The following DNAH12 variants were observed in gnomAD, a reference collection of about 807,000 sequenced individuals.
The protein encoded by DNAH12 is dynein axonemal heavy chain 12, also known as axonemal beta dynein heavy chain 12.
Under a neutral mutation model 371.5 loss-of-function variants are expected in DNAH12, and 285 were observed. The ratio of observed to expected loss-of-function variants is 0.77; its 90% CI spans 0.70 to 0.85. The LOEUF is 0.85. Ranked by LOEUF, DNAH12 falls within the 40% of genes least tolerant of loss-of-function variation. The probability of loss-of-function intolerance (pLI) is 0.00; values close to 1 mark genes in which losing one functional copy is unlikely to be tolerated. For synonymous variants in DNAH12, 1,200 were observed against 1,213.0 expected, an observed-to-expected ratio of 0.99 and a Z score of 0.22; for missense variants, 3,611 against 3,689.4, an observed-to-expected ratio of 0.98 and a Z score of 0.55.
At chr3:57,372,908 A>C (rs1475385225) in intron 55 of DNAH12, among the ~76,000 whole-genome samples, 1 of 152,234 alleles carries the variant, frequency 6.6e-6, no homozygotes, top group African/African-American at 2.4e-5. Context: ...AAATAGAAAG[A>C]AAAAGTCATT....
intron 45 of DNAH12, among the ~76,000 whole-genome samples, chr3:57,391,369 A>G (rs1385207563): frequency 6.6e-6 from 1 of 152,050 alleles, no homozygotes; most frequent in East Asian, 1.9e-4. Context: ...TCAGCCTTGG[A>G]CTGAATTGGC....
intron 13 of DNAH12, among the ~76,000 whole-genome samples, chr3:57,480,548 G>A: frequency 6.6e-6 from 1 of 150,640 alleles, no homozygotes; most frequent in African/African-American, 2.5e-5. Context: ...AGAAAAAGAG[G>A]GAATCCTCCC....
intron 62 of DNAH12, among the ~76,000 whole-genome samples, chr3:57,327,822 T>G (rs1440458935): frequency 1.3e-5 from 2 of 150,454 alleles, no homozygotes; most frequent in Non-Finnish European, 3.0e-5. Flanking sequence ...GCAAGACTAA[T>G]AAAGAAAAAA....
At chr3:57,510,555 G>A (rs1171302259) in intron 5 of DNAH12, among the ~76,000 whole-genome samples, 2 of 151,994 alleles carry the variant, frequency 1.3e-5, no homozygotes, top group Non-Finnish European at 2.9e-5. Context: ...TAGGGGAATC[G>A]CTTCAACTCA....
chr3:57,442,714 TTG>T (rs1400963539), intron 29 of DNAH12, among the ~76,000 whole-genome samples: 3 of 151,332 alleles, frequency 2.0e-5, no homozygotes, highest in Non-Finnish European at 2.9e-5. Flanking sequence ...TATTAAAATT[TTG>T]TGTTTTCATT....
intron 40 of DNAH12, 69 bp downstream of exon 40, chr3:57,408,211 A>G (rs1388305499): frequency 1.4e-6 from 2 of 1,428,212 alleles, no homozygotes; most frequent in African/African-American, 2.9e-5. Context: ...TAGCATCAAA[A>G]AAATAAAATA....
At position 57,356,477 on chromosome 3, in the gene DNAH12, AAAT is replaced by A. The variant is rs2062803164; in HGVS notation, c.9533+696_9533+698del. On this transcript the variant is annotated intron_variant, in intron 59 of 73. Coordinates refer to ENST00000495027, the MANE Select transcript of DNAH12 (RefSeq NM_001366028.2). ...TAAATAAATAAATAAATAAATAAAT[AAAT>A]AAATAAATAAAATAAAGAAAAAAGA... Among the ~76,000 whole-genome samples the A allele has an allele frequency of 6.9e-4, 101 of 146,918 alleles. 1 individual carries two copies. The highest frequency in any genetic ancestry group is 2.5e-3 in the African/African-American group (101 of 40,694).
rs2065016821 is a variant in DNAH12, at chr3:57,433,495, T to C, written c.4852A>G (p.Ile1618Val). The C allele has an allele frequency of 1.3e-6, 2 of 1,551,364 alleles. No individual in the cohort carries two copies. Among genetic ancestry groups the C allele is most frequent in the South Asian group, 2.4e-5 (2 of 83,998 alleles). Reference protein sequence around the residue: ...DPVSHEWTDGIVANTFREFAL... With the variant: ...DPVSHEWTDGVVANTFREFAL... ...AATTCTCTAAAAGTGTTAGCCACAA[T>C]ACCATCAGTCCACTGAGGAGGAAAA... The change falls in exon 32 of 74, where the codon ATT becomes GTT. Residue 1618 changes from isoleucine (I) to valine (V), a missense_variant. Physicochemically the swap from Ile to Val is conservative, Grantham distance 29. Around this residue, in one of 3 missense-constraint regions of DNAH12, gnomAD observed 2,266 missense variants for 2,236.9 expected, o/e 1.01. Transcript: ENST00000495027.
chr3:57,333,158 G>A (rs1038278984), intron 62 of DNAH12, among the ~76,000 whole-genome samples: 2 of 151,746 alleles, frequency 1.3e-5, no homozygotes, highest in East Asian at 3.9e-4. Flanking sequence ...GGAGTGCAGT[G>A]GTTCGATCTT....
In DNAH12 at chr3:57,309,666, C is replaced by T. The variant is rs1170442124; in HGVS notation, c.11085G>A (p.Lys3695=). Reference sequence around the variant, plus strand: ...TAACATATTTTAAGCTGAACATTACCTTGTTGAGGATATCTTTGGTAATTT... The same window carrying T: ...TAACATATTTTAAGCTGAACATTACTTTGTTGAGGATATCTTTGGTAATTT... ...LLEITKDILN[K]LPSDFDIEMA... Residue 3695 remains lysine (K), a splice_region_variant and synonymous_variant, in exon 68 of 74, where the codon AAG becomes AAA. Coordinates refer to ENST00000495027, the MANE Select transcript of DNAH12 (RefSeq NM_001366028.2). 1.3e-6 allele frequency: 2 copies of T among 1,502,258 alleles called. No individual in the cohort carries two copies. The highest frequency in any genetic ancestry group is 1.8e-6 in the Non-Finnish European group (2 of 1,128,196). The allele number at this position is 1,502,258 out of a possible 1,614,324, so 93.1% of individuals were successfully genotyped here. A position where few individuals can be genotyped will look rare whatever the true frequency, so the allele number is the denominator to read the frequency against.
intron 35 of DNAH12, among the ~76,000 whole-genome samples, 154 bp downstream of exon 35, chr3:57,424,868 C>T (rs2064713603): frequency 6.6e-6 from 1 of 151,600 alleles, no homozygotes; most frequent in African/African-American, 2.4e-5. Context: ...TATCAGAATA[C>T]CAGGTGTTAG....
In DNAH12 at chr3:57,510,852, A is replaced by C. The variant is rs1323435699; in HGVS notation, c.407T>G (p.Leu136Arg). 6.2e-7 allele frequency: 1 copy of C among 1,614,022 alleles called. No homozygotes were observed. Among genetic ancestry groups the C allele is most frequent in the Non-Finnish European group, 8.5e-7 (1 of 1,180,000 alleles). The stretch of plus-strand genomic sequence containing the variant: ...CACCTCATTTATGAGACTTTCAAGA[A>C]GTTCTTCTCTTTCTTTCCCTTCCTT... Reference protein sequence around the residue: ...SLKEGKEREELLESLINEVSS... With the variant: ...SLKEGKEREERLESLINEVSS... Residue 136 changes from leucine (L) to arginine (R), a missense_variant, in exon 5 of 74, where the codon CTT (leucine) becomes CGT (arginine). Physicochemically the swap from Leu to Arg is moderately radical, Grantham distance 102. Around this residue, in one of 3 missense-constraint regions of DNAH12, gnomAD observed 1,314 missense variants for 1,398.7 expected, o/e 0.94. Coordinates refer to ENST00000495027, the MANE Select transcript of DNAH12 (RefSeq NM_001366028.2).
chr3:57,473,258 G>A lies in DNAH12; in HGVS notation c.1651-587C>T, dbSNP rs538916537. ...TCCCAACACTTTGGGAAGCTGAGGC[G>A]GGTGGATCACCTGAGGTCAGGAGTT... On this transcript the variant is annotated intron_variant, in intron 13 of 73. Coordinates refer to ENST00000495027, the MANE Select transcript of DNAH12 (RefSeq NM_001366028.2). Among the ~76,000 whole-genome samples the A allele has an allele frequency of 2.2e-3, 334 of 152,140 alleles. 1 individual carries two copies. The highest frequency in any genetic ancestry group is 3.5e-3 in the Admixed American group (53 of 15,280).
intron 8 of DNAH12, among the ~76,000 whole-genome samples, chr3:57,505,370 C>T (rs1228606988): frequency 1.3e-5 from 2 of 151,866 alleles, no homozygotes; most frequent in African/African-American, 4.8e-5. Flanking sequence ...CACACATTAA[C>T]AAAGGTAACC....
chr3:57,492,670 G>GA (rs771044258), intron 11 of DNAH12, among the ~76,000 whole-genome samples: 7 of 151,878 alleles, frequency 4.6e-5, no homozygotes, highest in Admixed American at 3.3e-4. Context: ...CAAAATTCTA[G>GA]AAAATGTCAC....
In DNAH12 at chr3:57,462,683, T is replaced by C. The variant is rs1411316943; in HGVS notation, c.2535+7A>G. 13 of 1,543,538 alleles carry C rather than the reference T, an allele frequency of 8.4e-6. No individual in the cohort carries two copies. The highest frequency in any genetic ancestry group is 2.8e-5 in the African/African-American group (2 of 72,410). On this transcript the variant is annotated splice_region_variant and intron_variant, in intron 18 of 73. Transcript: ENST00000495027. ...CATAAAGTATTTCAGTTGATCTTTA[T>C]GTTTACCTTGCTTGCACCTGCACTT...
At chr3:57,347,312 T>C (rs1473863555) in intron 60 of DNAH12, among the ~76,000 whole-genome samples, 6 of 152,174 alleles carry the variant, frequency 3.9e-5, no homozygotes, top group African/African-American at 1.2e-4. Context: ...TAAGTGGGAT[T>C]TATTATAGGT....
chr3:57,542,891 A>T lies in DNAH12; in HGVS notation c.-21T>A, dbSNP rs761044830. ...GACATCTTGATCCCCTAAAGATTAAAATACTCTGTACTCTGAGGAGAAAAA... is the reference window on the plus strand; with the variant it reads ...GACATCTTGATCCCCTAAAGATTAATATACTCTGTACTCTGAGGAGAAAAA... On this transcript the variant is annotated 5_prime_UTR_variant, in exon 2 of 74. Coordinates refer to ENST00000495027, the MANE Select transcript of DNAH12 (RefSeq NM_001366028.2). 3 of 1,563,412 alleles carry T rather than the reference A, an allele frequency of 1.9e-6. No homozygotes were observed. In the Admixed American group the frequency reaches 6.1e-5, roughly 32 times the overall value.
rs2062930159 is a variant in DNAH12, at chr3:57,361,444, CT to C, written c.9360+2149del. 1.0e-4 allele frequency among the ~76,000 whole-genome samples: 12 copies of C among 116,702 alleles called. 1 individual carries two copies. The highest frequency in any genetic ancestry group is 3.8e-4 in the African/African-American group (9 of 23,746). The allele number at this position is 116,702 out of a possible 152,430, so 76.6% of individuals were successfully genotyped here. ...CACTATATATATATACACACACACA[CT>C]ATATATATATATATATATATATATA... is the stretch of plus-strand genomic sequence containing the variant. On this transcript the variant is annotated intron_variant, in intron 58 of 73. Coordinates refer to ENST00000495027, the MANE Select transcript of DNAH12 (RefSeq NM_001366028.2).
Sources: allele counts gnomAD v4.1 joint callset (sites outside exome capture counted in the v4.1 genomes callset), GRCh38; gene constraint gnomAD v4.1.1; regional missense constraint gnomAD v4.1.1; transcripts MANE v1.5; gene names NCBI Gene and HGNC (gene_info 2026-07-23, HGNC 2026-07-21).